Variants in PLCB1 observed in about 807,000 individuals in gnomAD.
PLCB1 encodes the protein phospholipase C beta 1, also known as 1-phosphatidylinositol 4,5-bisphosphate phosphodiesterase beta-1.
PLCB1 carries 46 observed loss-of-function variants against 161.8 expected under a neutral mutation model. That is an observed-to-expected ratio of 0.28 (90% confidence interval 0.22 to 0.36). The LOEUF (loss-of-function observed/expected upper bound fraction) is 0.36. Ranked by LOEUF, PLCB1 falls within the 10% of genes least tolerant of loss-of-function variation. PLCB1 has a pLI of 1.00. For synonymous variants in PLCB1, 517 were observed against 503.7 expected (o/e 1.03, Z -0.35); for missense variants, 1,016 against 1,472.5 (o/e 0.69, Z 5.07).
intron 31 of PLCB1, among the ~76,000 whole-genome samples, chr20:8,871,649 C>T (rs1456427916): frequency 3.3e-5 from 5 of 152,132 alleles, no homozygotes; most frequent in Non-Finnish European, 7.4e-5. Flanking sequence ...GTTCAAAATA[C>T]CATTTATTGA....
chr20:8,534,861 T>C (rs1398577913), intron 3 of PLCB1, among the ~76,000 whole-genome samples: 7 of 152,050 alleles, frequency 4.6e-5, no homozygotes, highest in African/African-American at 1.7e-4. Context: ...TGTGTCTTAA[T>C]CCCTGCTCCT....
chr20:8,875,836 TTTTG>T (rs1195502058), intron 31 of PLCB1, among the ~76,000 whole-genome samples: 5 of 152,186 alleles, frequency 3.3e-5, no homozygotes, highest in South Asian at 2.1e-4. Flanking sequence ...TTATACTGGG[TTTTG>T]TTTGTTTGTT....
rs184601211 is a variant in PLCB1, at chr20:8,833,497, C to T, written c.3423+43236C>T. Reference sequence around the variant, plus strand: ...GGGTAGAGACACAGCCAAACCATATCGATGTATGTCCTTAAAAGAGTGAGG... The same window carrying T: ...GGGTAGAGACACAGCCAAACCATATTGATGTATGTCCTTAAAAGAGTGAGG... On this transcript the variant is annotated intron_variant, in intron 31 of 31. Coordinates refer to ENST00000338037, the MANE Select transcript of PLCB1 (RefSeq NM_015192.4). Among the ~76,000 whole-genome samples, 726 of 152,182 alleles carry T rather than the reference C, an allele frequency of 4.8e-3. 7 individuals are homozygous for T. Among genetic ancestry groups the T allele is most frequent in the African/African-American group, 0.015 (643 of 41,504 alleles).
chr20:8,667,595 T>C (rs777993691), intron 9 of PLCB1, among the ~76,000 whole-genome samples: 3 of 152,198 alleles, frequency 2.0e-5, no homozygotes, highest in Non-Finnish European at 2.9e-5. Flanking sequence ...GACCTCAGTG[T>C]CTGCTCAGGC....
At chr20:8,738,799 GGCA>G (rs1980716679) in intron 20 of PLCB1, among the ~76,000 whole-genome samples, 1 of 152,076 alleles carries the variant, frequency 6.6e-6, no homozygotes, top group South Asian at 2.1e-4. Context: ...AAATTTATAG[GGCA>G]ACATCTCAAC....
chr20:8,801,140 T>C (rs1327602509), intron 31 of PLCB1, among the ~76,000 whole-genome samples: 1 of 152,140 alleles, frequency 6.6e-6, no homozygotes, highest in Non-Finnish European at 1.5e-5. Flanking sequence ...CTCCTTGATA[T>C]ACTCTCTGCT....
chr20:8,822,410 A>G (rs1225811835), intron 31 of PLCB1, among the ~76,000 whole-genome samples: 1 of 152,204 alleles, frequency 6.6e-6, no homozygotes, highest in Admixed American at 6.5e-5. Flanking sequence ...GGGAATGGAC[A>G]GGCCTCCAGG....
intron 23 of PLCB1, among the ~76,000 whole-genome samples, chr20:8,755,345 C>G (rs2123558739): frequency 6.6e-6 from 1 of 152,270 alleles, no homozygotes; most frequent in South Asian, 2.1e-4. Context: ...CAAAATGTCA[C>G]AATGTTAGGC....
intron 2 of PLCB1, among the ~76,000 whole-genome samples, chr20:8,341,563 A>T (rs1330863650): frequency 6.6e-6 from 1 of 152,106 alleles, no homozygotes. Flanking sequence ...GTTTCTTCTC[A>T]TCATGGATAT....
At chr20:8,649,043 C>T (rs967884725) in intron 6 of PLCB1, among the ~76,000 whole-genome samples, 3 of 151,864 alleles carry the variant, frequency 2.0e-5, no homozygotes, top group Non-Finnish European at 4.4e-5. Context: ...CACCTTGGGG[C>T]AATGGGTAGT....
intron 9 of PLCB1, among the ~76,000 whole-genome samples, chr20:8,679,779 A>G (rs1990171595): frequency 1.3e-5 from 2 of 152,224 alleles, no homozygotes; most frequent in Admixed American, 1.3e-4. Context: ...CAAAATATAT[A>G]AGGTAATTTA....
chr20:8,780,970 C>T (rs1342846342), intron 27 of PLCB1, among the ~76,000 whole-genome samples: 11 of 152,240 alleles, frequency 7.2e-5, no homozygotes, highest in Non-Finnish European at 1.0e-4. Context: ...TCTATATGCA[C>T]TTCAAATATA....
chr20:8,411,677 G>T lies in PLCB1; in HGVS notation c.246+40227G>T, dbSNP rs554896435. ...GACCCCAATAGCAGAAGAGCATGTGGATCTGCTACCTGACAAACAGAGGCA... is the reference window on the plus strand; with the variant it reads ...GACCCCAATAGCAGAAGAGCATGTGTATCTGCTACCTGACAAACAGAGGCA... On this transcript the variant is annotated intron_variant, in intron 3 of 31. Coordinates refer to ENST00000338037, the MANE Select transcript of PLCB1 (RefSeq NM_015192.4). 3.3e-5 allele frequency among the ~76,000 whole-genome samples: 5 copies of T among 152,192 alleles called. 1 individual carries two copies. The South Asian group carries it at 1.0e-3, about 32-fold the overall frequency.
chr20:8,312,012 A>G (rs1310846984), intron 2 of PLCB1, among the ~76,000 whole-genome samples: 2 of 152,152 alleles, frequency 1.3e-5, no homozygotes, highest in African/African-American at 4.8e-5. Flanking sequence ...CTCTAAGTCC[A>G]TGCTGCTTGC....
At chr20:8,253,208 G>A (rs1392561350) in intron 2 of PLCB1, among the ~76,000 whole-genome samples, 2 of 148,746 alleles carry the variant, frequency 1.3e-5, no homozygotes, top group Admixed American at 6.7e-5. Flanking sequence ...TTCCCTAAGG[G>A]CATCCTTCAG....
At chr20:8,469,052 C>A (rs1041540790) in intron 3 of PLCB1, among the ~76,000 whole-genome samples, 2 of 152,130 alleles carry the variant, frequency 1.3e-5, no homozygotes, top group Non-Finnish European at 2.9e-5. Flanking sequence ...ATTTCCCAGG[C>A]GATGCTGACA....
Position 8,549,048 on chromosome 20 carries a change from G to A in PLCB1, c.247-79246G>A, listed in dbSNP as rs561375626. 7.2e-5 allele frequency among the ~76,000 whole-genome samples: 11 copies of A among 152,234 alleles called. No homozygotes were observed. In the East Asian group the frequency reaches 2.1e-3, roughly 29 times the overall value. ...CACATAAAACAAATACCTAATACAT[G>A]CAGGGCTTAAAACCTAGATGATGGG... On this transcript the variant is annotated intron_variant, in intron 3 of 31. Coordinates refer to ENST00000338037, the MANE Select transcript of PLCB1 (RefSeq NM_015192.4).
intron 23 of PLCB1, among the ~76,000 whole-genome samples, chr20:8,753,533 C>T (rs1196055337): frequency 1.3e-5 from 2 of 152,160 alleles, no homozygotes; most frequent in African/African-American, 2.4e-5. Flanking sequence ...CTTTGCTTGG[C>T]CACTGGGGCG....
chr20:8,370,179 C>G (rs1157993251), intron 2 of PLCB1, among the ~76,000 whole-genome samples: 1 of 152,212 alleles, frequency 6.6e-6, no homozygotes, highest in Admixed American at 6.5e-5. Flanking sequence ...TTTAAGACAA[C>G]TGCTCACTGC....
Sources: allele counts gnomAD v4.1 joint callset (sites outside exome capture counted in the v4.1 genomes callset), GRCh38; gene constraint gnomAD v4.1.1; transcripts MANE v1.5; gene names NCBI Gene and HGNC (gene_info 2026-07-23, HGNC 2026-07-21).